Variants in MPP7 observed in about 807,000 individuals in gnomAD.
MPP7 encodes MAGUK p55 subfamily member 7.
MPP7 carries 60 observed loss-of-function variants against 76.5 expected under a neutral mutation model. The observed-to-expected ratio is 0.78, with a 90% confidence interval of 0.64 to 0.97. MPP7 has a LOEUF of 0.97. Among genes scored for constraint, MPP7 ranks in the 50% least tolerant of loss-of-function variants. The pLI is 0.00. For missense variants in MPP7, 641 were observed against 694.0 expected (o/e 0.92, Z 0.86); for synonymous variants, 237 against 244.5 (o/e 0.97, Z 0.29).
intron 1 of MPP7, among the ~76,000 whole-genome samples, chr10:28,241,373 T>C (rs1013972511): frequency 6.6e-6 from 1 of 152,208 alleles, no homozygotes; most frequent in African/African-American, 2.4e-5. Flanking sequence ...GTATATATAC[T>C]ACAAAGTAAT....
rs574728776 is a variant in MPP7 at position 28,127,499 on chromosome 10, G to A, written c.448-2408C>T. Among the ~76,000 whole-genome samples the A allele has an allele frequency of 6.5e-4, 99 of 152,258 alleles. 1 individual carries two copies. The Middle Eastern group carries it at 0.01, about 16-fold the overall frequency. ...AGTTCCATGTGGCTGGGGAGGCCTC[G>A]CAATCATGGTGGAAGGCAAGGAGGA... is the stretch of plus-strand genomic sequence containing the variant. On this transcript the variant is annotated intron_variant, in intron 6 of 16. Coordinates refer to ENST00000683449, the MANE Select transcript of MPP7 (RefSeq NM_001318170.2).
chr10:28,242,743 C>T (rs1175899904), intron 1 of MPP7, among the ~76,000 whole-genome samples: 4 of 152,198 alleles, frequency 2.6e-5, no homozygotes, highest in African/African-American at 9.7e-5. Flanking sequence ...ACCACTGGCA[C>T]CTGAGCATGA....
chr10:28,170,199 A>T (rs924559608), intron 3 of MPP7, among the ~76,000 whole-genome samples: 9 of 152,010 alleles, frequency 5.9e-5, no homozygotes, highest in Admixed American at 2.6e-4. Context: ...CTATTTATGT[A>T]TATGTTCTGT....
At chr10:28,222,780 A>G (rs1199082531) in intron 2 of MPP7, among the ~76,000 whole-genome samples, 4 of 146,646 alleles carry the variant, frequency 2.7e-5, no homozygotes, top group Non-Finnish European at 6.0e-5. Flanking sequence ...TGAACCCAGG[A>G]GGCAGAGCTT....
At chr10:28,151,308 T>A (rs918003301) in intron 3 of MPP7, among the ~76,000 whole-genome samples, 1 of 152,140 alleles carries the variant, frequency 6.6e-6, no homozygotes, top group African/African-American at 2.4e-5. Context: ...TAAAGATGTA[T>A]CATAACAAGG....
At chr10:28,077,007 TG>T (rs1287416233) in intron 12 of MPP7, among the ~76,000 whole-genome samples, 1 of 150,756 alleles carries the variant, frequency 6.6e-6, no homozygotes, top group Non-Finnish European at 1.5e-5. Flanking sequence ...CCGGAGTGAC[TG>T]CTAGAGTGTG....
chr10:28,329,715 T>C (rs900506688), intron 2 of MPP7, among the ~76,000 whole-genome samples: 2 of 151,626 alleles, frequency 1.3e-5, no homozygotes, highest in African/African-American at 4.9e-5. Context: ...TAATGAATAA[T>C]GCAAAATTGA....
In MPP7 at chr10:28,187,153, T is replaced by C. The variant is rs528004543; in HGVS notation, c.156+15000A>G. Among the ~76,000 whole-genome samples the C allele has an allele frequency of 7.9e-5, 12 of 152,332 alleles. No homozygotes were observed. In the South Asian group the frequency reaches 2.3e-3, roughly 29 times the overall value. The stretch of plus-strand genomic sequence containing the variant: ...GTAAATCTCACAATAACTTGACTGT[T>C]ACATTACATAAATGTAGACCACGCG... On this transcript the variant is annotated intron_variant, in intron 3 of 16. Transcript: ENST00000683449.
intron 3 of MPP7, among the ~76,000 whole-genome samples, chr10:28,181,453 G>A (rs150787877): frequency 5.3e-5 from 8 of 152,300 alleles, no homozygotes; most frequent in Non-Finnish European, 8.8e-5. Context: ...CACAACTTGA[G>A]CTGACTGAAA....
intron 3 of MPP7, among the ~76,000 whole-genome samples, chr10:28,153,687 A>G (rs1470911494): frequency 1.3e-5 from 2 of 152,224 alleles, no homozygotes; most frequent in East Asian, 1.9e-4. Context: ...TTACTTACAC[A>G]TACAATAGAA....
At chr10:28,078,273 AG>A (rs1365049804) in intron 12 of MPP7, among the ~76,000 whole-genome samples, 2 of 152,212 alleles carry the variant, frequency 1.3e-5, no homozygotes, top group Admixed American at 1.3e-4. Flanking sequence ...AGGAATAGGC[AG>A]AGATTCAGGC....
At chr10:28,246,720 A>G (rs1161907416) in intron 1 of MPP7, among the ~76,000 whole-genome samples, 1 of 152,162 alleles carries the variant, frequency 6.6e-6, no homozygotes, top group Non-Finnish European at 1.5e-5. Context: ...AGATCTGGTA[A>G]GAACTCACTA....
At chr10:28,059,554 T>C (rs774663018) in intron 14 of MPP7, 96 bp downstream of exon 14, 50 of 695,492 alleles carry the variant, frequency 7.2e-5, no homozygotes, top group Non-Finnish European at 1.2e-4. Flanking sequence ...ATAATTAAAA[T>C]ACACTTCAAA....
chr10:28,299,620 C>T (rs1432712995), intron 1 of MPP7, among the ~76,000 whole-genome samples: 1 of 152,164 alleles, frequency 6.6e-6, no homozygotes, highest in Non-Finnish European at 1.5e-5. Flanking sequence ...CACCAATCGA[C>T]TTGCAGGGTT....
At chr10:28,188,154 T>C (rs998125687) in intron 3 of MPP7, among the ~76,000 whole-genome samples, 4 of 152,172 alleles carry the variant, frequency 2.6e-5, no homozygotes, top group Non-Finnish European at 5.9e-5. Flanking sequence ...TTCATATTAA[T>C]ATGGAGATTC....
intron 2 of MPP7, among the ~76,000 whole-genome samples, chr10:28,223,958 G>A (rs1838603574): frequency 6.6e-6 from 1 of 151,490 alleles, no homozygotes; most frequent in South Asian, 2.1e-4. Context: ...CACTTTGGGA[G>A]GCCGAGGCAG....
chr10:28,094,495 G>A (rs1299884889), intron 11 of MPP7, among the ~76,000 whole-genome samples: 1 of 152,042 alleles, frequency 6.6e-6, no homozygotes, highest in Non-Finnish European at 1.5e-5. Context: ...TAAAGCTTTC[G>A]GTCCCATCTG....
At chr10:28,071,747 C>T (rs1006856809) in intron 12 of MPP7, among the ~76,000 whole-genome samples, 4 of 152,130 alleles carry the variant, frequency 2.6e-5, no homozygotes, top group African/African-American at 9.7e-5. Context: ...TTTGCACCTA[C>T]TTATAATAAA....
chr10:28,244,105 TAC>T (rs1839357446), intron 1 of MPP7, among the ~76,000 whole-genome samples: 1 of 152,144 alleles, frequency 6.6e-6, no homozygotes, highest in Non-Finnish European at 1.5e-5. Flanking sequence ...AAACAATAGG[TAC>T]ATGAGTATGA....
Sources: gnomAD v4.1 joint callset for allele counts (sites outside exome capture counted in the v4.1 genomes callset) on GRCh38, gnomAD v4.1.1 for gene constraint, MANE v1.5 for transcripts, NCBI Gene and HGNC (gene_info 2026-07-23, HGNC 2026-07-21) for gene names.